CARD8: variants seen among roughly 807,000 people sequenced by gnomAD.
CARD8 encodes the protein caspase recruitment domain-containing protein 8.
Under a neutral mutation model 53.2 loss-of-function variants are expected in CARD8, and 38 were observed. The observed-to-expected ratio is 0.71, with a 90% CI of 0.55 to 0.94. The LOEUF is 0.94. Among genes scored for constraint, CARD8 ranks in the 40% least tolerant of loss-of-function variants. CARD8 has a pLI of 0.00. For missense variants in CARD8, 561 were observed against 655.5 expected (o/e 0.86, Z 1.57); for synonymous variants, 245 against 244.9 (o/e 1.00, Z 0.00).
In CARD8 at chr19:48,218,898, A is replaced by G. The variant is rs763961255; in HGVS notation, c.1276T>C (p.Leu426=). 6.2e-7 allele frequency: 1 copy of G among 1,614,126 alleles called. No individual in the cohort carries two copies. Among genetic ancestry groups the G allele is most frequent in the Non-Finnish European group, 8.5e-7 (1 of 1,179,998 alleles). The change falls in exon 12 of 14, where the codon TTG becomes CTG. Residue 426 remains leucine, a synonymous_variant. Transcript: ENST00000651546. The part of the protein sequence containing the change: ...LEITEKRHGT[L]VWDTEVKPVD... ...GGCTTCACCTCAGTATCCCACACCA[A>G]AGTCCCATGTCTTTTTTCAGTAATC...
chr19:48,237,124 C>T (rs1182789363), intron 5 of CARD8, among the ~76,000 whole-genome samples: 1 of 152,070 alleles, frequency 6.6e-6, no homozygotes, highest in South Asian at 2.1e-4. Flanking sequence ...TGAGACTAGG[C>T]AATTTACAAA....
Position 48,230,573 on chromosome 19 carries a change from G to A in CARD8, c.900C>T (p.Gly300=). 1 of 1,614,180 alleles carries A rather than the reference G, an allele frequency of 6.2e-7. No homozygotes were observed. The highest frequency in any genetic ancestry group is 1.1e-5 in the South Asian group (1 of 91,084). Residue 300 remains glycine (G), a synonymous_variant, in exon 10 of 14, where the codon GGC becomes GGT. Transcript: ENST00000651546. The stretch of plus-strand genomic sequence containing the variant: ...TCCCACTGGCGATCCGCAGCAGGAT[G>A]CCCATCAGAGAGAAGCTGGGGCTTT... The part of the protein sequence containing the change: ...VLESPSFSLM[G]ILLRIASGTR...
intron 5 of CARD8, 180 bp downstream of exon 5, chr19:48,238,203 C>T: frequency 8.4e-7 from 1 of 1,184,992 alleles, no homozygotes; most frequent in Non-Finnish European, 1.1e-6. Context: ...TTTTTCCCTA[C>T]TTCTTATGAG....
intron 1 of CARD8, among the ~76,000 whole-genome samples, chr19:48,250,196 T>C (rs1304062185): frequency 2.0e-5 from 3 of 152,182 alleles, no homozygotes; most frequent in East Asian, 1.9e-4. Flanking sequence ...CAATTGGGAA[T>C]AGATATGCCA....
chr19:48,206,039 G>A (rs1278457742), downstream of CARD8, among the ~76,000 whole-genome samples: 25 of 151,854 alleles, frequency 1.6e-4, no homozygotes, highest in African/African-American at 5.6e-4. Context: ...CTGGGATTAC[G>A]GGTGTGCGCC....
chr19:48,240,850 G>A (rs2044872183), intron 4 of CARD8, 112 bp downstream of exon 4: 1 of 878,196 alleles, frequency 1.1e-6, no homozygotes, highest in South Asian at 1.5e-5. Flanking sequence ...AATAAAATGT[G>A]AGCAGAACCT....
At chr19:48,217,133 G>A (rs750770532) in intron 12 of CARD8, among the ~76,000 whole-genome samples, 5 of 152,088 alleles carry the variant, frequency 3.3e-5, no homozygotes, top group Non-Finnish European at 4.4e-5. Context: ...GAGCGCAGGC[G>A]GTAATGCAAG....
chr19:48,212,014 C>A, intron 13 of CARD8, 39 bp from the exon 14 acceptor site: 1 of 1,588,992 alleles, frequency 6.3e-7, no homozygotes, highest in Non-Finnish European at 8.6e-7. Context: ...GAGAATCGTT[C>A]ACTTACAGGA....
chr19:48,238,351 T>C, intron 5 of CARD8, 32 bp downstream of exon 5: 2 of 1,529,450 alleles, frequency 1.3e-6, no homozygotes, highest in Non-Finnish European at 1.7e-6. Context: ...TCCAAATCTT[T>C]AATTTTTTCC....
chr19:48,236,330 A>G (rs2043870056), intron 5 of CARD8, among the ~76,000 whole-genome samples: 1 of 152,110 alleles, frequency 6.6e-6, no homozygotes, highest in Non-Finnish European at 1.5e-5. Context: ...CTCCTGCCTC[A>G]GCGTCCCCAA....
At chr19:48,223,011 T>C (rs1337614730) in intron 10 of CARD8, among the ~76,000 whole-genome samples, 1 of 151,970 alleles carries the variant, frequency 6.6e-6, no homozygotes, top group Admixed American at 6.6e-5. Context: ...ACATATTTCA[T>C]TAAAAGTAGA....
chr19:48,215,262 G>A, intron 13 of CARD8, 78 bp downstream of exon 13: 7 of 1,025,414 alleles, frequency 6.8e-6, no homozygotes, highest in Admixed American at 5.3e-5. Flanking sequence ...CATGTCACTT[G>A]GATACCTTCC....
chr19:48,243,597 T>C (rs571520813), intron 3 of CARD8, among the ~76,000 whole-genome samples: 53 of 152,336 alleles, frequency 3.5e-4, no homozygotes, highest in Non-Finnish European at 5.9e-4. Flanking sequence ...ACACTTTTCT[T>C]TTACTTAAGT....
At chr19:48,238,316 T>C (rs2044286225) in intron 5 of CARD8, 67 bp downstream of exon 5, 25 of 1,494,450 alleles carry the variant, frequency 1.7e-5, no homozygotes, top group Middle Eastern at 3.5e-4. Flanking sequence ...TTCTTATGAA[T>C]GTACATAAAC....
intron 10 of CARD8, among the ~76,000 whole-genome samples, chr19:48,222,443 C>A (rs143370567): frequency 6.6e-6 from 1 of 152,166 alleles, no homozygotes; most frequent in Non-Finnish European, 1.5e-5. Flanking sequence ...GTAATCCTAG[C>A]GCTTTGGGAG....
chr19:48,212,782 T>C (rs898064577), intron 13 of CARD8, among the ~76,000 whole-genome samples: 4 of 152,220 alleles, frequency 2.6e-5, no homozygotes, highest in East Asian at 3.8e-4. Context: ...AGATGTTCTT[T>C]GATTTATTTT....
chr19:48,224,787 G>C (rs976979276), intron 10 of CARD8, among the ~76,000 whole-genome samples: 1 of 141,872 alleles, frequency 7.0e-6, no homozygotes, highest in East Asian at 2.1e-4. Flanking sequence ...ATGGAGTCTC[G>C]CTCTGTCGCC....
chr19:48,230,389 T>C (rs755413767), intron 10 of CARD8, 49 bp downstream of exon 10: 20 of 1,548,012 alleles, frequency 1.3e-5, no homozygotes, highest in African/African-American at 2.7e-5. Flanking sequence ...GGGGATAACC[T>C]GGAAATATAA....
At chr19:48,239,427 G>A (rs752601169) in intron 4 of CARD8, among the ~76,000 whole-genome samples, 40 of 151,638 alleles carry the variant, frequency 2.6e-4, no homozygotes, top group Middle Eastern at 3.5e-3. Flanking sequence ...GTCCTAGTCC[G>A]TGGTCTTTTA....
Sources: allele counts gnomAD v4.1 joint callset (sites outside exome capture counted in the v4.1 genomes callset), GRCh38; gene constraint gnomAD v4.1.1; transcripts MANE v1.5; gene names NCBI Gene and HGNC (gene_info 2026-07-23, HGNC 2026-07-21).